Variants in VAV3 observed in about 807,000 individuals in gnomAD.
VAV3 encodes the protein guanine nucleotide exchange factor VAV3.
In VAV3, 94 loss-of-function variants were observed where a neutral mutation model predicts 131.2. That is an observed-to-expected ratio of 0.72 (90% CI 0.61 to 0.85). The LOEUF is 0.85. Ranked by LOEUF, VAV3 falls within the 40% of genes least tolerant of loss-of-function variation. The pLI, the probability that VAV3 is intolerant of heterozygous loss-of-function variation, is 0.00. For synonymous variants in VAV3, 349 were observed against 342.0 expected, an observed-to-expected ratio of 1.02 and a Z score of -0.22; for missense variants, 939 against 1,002.7, an observed-to-expected ratio of 0.94 and a Z score of 0.86.
chr1:107,835,658 C>A (rs1571018963), intron 2 of VAV3, among the ~76,000 whole-genome samples: 5 of 152,266 alleles, frequency 3.3e-5, no homozygotes, highest in Admixed American at 3.3e-4. Flanking sequence ...ACAGTAGCCA[C>A]CAGAAGGAGA....
intron 25 of VAV3, among the ~76,000 whole-genome samples, chr1:107,589,590 C>T (rs917331761): frequency 6.6e-6 from 1 of 152,070 alleles, no homozygotes; most frequent in Non-Finnish European, 1.5e-5. Flanking sequence ...CCACTTGGTT[C>T]GTGATAATTT....
At chr1:107,818,239 A>C (rs915403608) in intron 2 of VAV3, among the ~76,000 whole-genome samples, 1 of 152,220 alleles carries the variant, frequency 6.6e-6, no homozygotes, top group African/African-American at 2.4e-5. Flanking sequence ...AGGAAAGACT[A>C]TCTGCCTCCT....
At chr1:107,749,930 C>T (rs537780144) in intron 13 of VAV3, among the ~76,000 whole-genome samples, 1 of 152,194 alleles carries the variant, frequency 6.6e-6, no homozygotes, top group South Asian at 2.1e-4. Flanking sequence ...AATTTAAAAG[C>T]TAAAAACCTA....
At chr1:107,860,346 G>A (rs1465015190) in intron 2 of VAV3, among the ~76,000 whole-genome samples, 4 of 151,728 alleles carry the variant, frequency 2.6e-5, no homozygotes, top group Non-Finnish European at 5.9e-5. Context: ...ATATATGAGC[G>A]GTGATTGTAG....
intron 1 of VAV3, among the ~76,000 whole-genome samples, chr1:107,935,046 C>T (rs1412217068): frequency 6.6e-6 from 1 of 152,168 alleles, no homozygotes; most frequent in Non-Finnish European, 1.5e-5. Flanking sequence ...ATTACGCGAA[C>T]TGATGGGGCA....
At chr1:107,929,503 G>A (rs1453255287) in intron 1 of VAV3, among the ~76,000 whole-genome samples, 4 of 151,860 alleles carry the variant, frequency 2.6e-5, no homozygotes, top group African/African-American at 4.8e-5. Context: ...AAAACTCACT[G>A]GTAATAGTAA....
intron 25 of VAV3, among the ~76,000 whole-genome samples, chr1:107,577,124 T>C (rs984362155): frequency 6.6e-6 from 1 of 152,248 alleles, no homozygotes; most frequent in Non-Finnish European, 1.5e-5. Flanking sequence ...GCTAATCACA[T>C]TTATCAAATG....
At chr1:107,679,417 A>G (rs1277686640) in intron 19 of VAV3, among the ~76,000 whole-genome samples, 2 of 152,126 alleles carry the variant, frequency 1.3e-5, no homozygotes, top group African/African-American at 2.4e-5. Flanking sequence ...AGTGTAAGCT[A>G]TTTAAACATT....
At chr1:107,758,519 A>C (rs1396076223) in intron 10 of VAV3, among the ~76,000 whole-genome samples, 1 of 152,108 alleles carries the variant, frequency 6.6e-6, no homozygotes, top group East Asian at 1.9e-4. Flanking sequence ...CCATGACTAC[A>C]CCATTGCACT....
At chr1:107,851,428 T>G (rs1360572685) in intron 2 of VAV3, among the ~76,000 whole-genome samples, 1 of 151,888 alleles carries the variant, frequency 6.6e-6, no homozygotes, top group Non-Finnish European at 1.5e-5. Context: ...AATTTTTGTT[T>G]CAATAGTGAA....
intron 15 of VAV3, among the ~76,000 whole-genome samples, chr1:107,741,169 A>G (rs1440044807): frequency 6.6e-6 from 1 of 152,242 alleles, no homozygotes; most frequent in Non-Finnish European, 1.5e-5. Flanking sequence ...AAAAATATTA[A>G]CAAAGTGAAT....
chr1:107,643,431 A>T (rs1222898801), intron 19 of VAV3, among the ~76,000 whole-genome samples: 1 of 152,130 alleles, frequency 6.6e-6, no homozygotes, highest in Non-Finnish European at 1.5e-5. Flanking sequence ...TCAGTTCACG[A>T]TTTCATTTTT....
chr1:107,796,664 C>T (rs1553210338), intron 2 of VAV3, among the ~76,000 whole-genome samples: 3 of 151,814 alleles, frequency 2.0e-5, no homozygotes, highest in Non-Finnish European at 4.4e-5. Flanking sequence ...TGTAAGAGTA[C>T]TTATTATGCT....
intron 5 of VAV3, among the ~76,000 whole-genome samples, 186 bp downstream of exon 5, chr1:107,772,549 T>C (rs780094549): frequency 1.3e-5 from 2 of 152,174 alleles, no homozygotes; most frequent in Non-Finnish European, 2.9e-5. Context: ...AAAGATTCCC[T>C]ATGGTTGTTT....
chr1:107,902,638 T>C (rs1404256723), intron 1 of VAV3, among the ~76,000 whole-genome samples: 2 of 152,168 alleles, frequency 1.3e-5, no homozygotes, highest in African/African-American at 4.8e-5. Flanking sequence ...TAACCTGAGG[T>C]CCTACATGTT....
At chr1:107,877,335 A>G (rs1163798756) in intron 1 of VAV3, among the ~76,000 whole-genome samples, 1 of 152,160 alleles carries the variant, frequency 6.6e-6, no homozygotes, top group Non-Finnish European at 1.5e-5. Context: ...TATCGTTTAC[A>G]TAATTAAGTG....
At chr1:107,742,272 TAC>T (rs1035461010) in intron 15 of VAV3, among the ~76,000 whole-genome samples, 1 of 152,118 alleles carries the variant, frequency 6.6e-6, no homozygotes, top group Non-Finnish European at 1.5e-5. Context: ...TCAGAAAACT[TAC>T]AGAGTAAAAT....
intron 20 of VAV3, among the ~76,000 whole-genome samples, chr1:107,632,046 TCAC>T: frequency 6.6e-6 from 1 of 152,166 alleles, no homozygotes; most frequent in Non-Finnish European, 1.5e-5. Flanking sequence ...CCCTGAGGAA[TCAC>T]CACACTGACT....
intron 2 of VAV3, among the ~76,000 whole-genome samples, chr1:107,842,105 A>G (rs1256398749): frequency 2.0e-5 from 3 of 152,318 alleles, no homozygotes; most frequent in Non-Finnish European, 4.4e-5. Flanking sequence ...TAAGAATATT[A>G]AAGAGAATAC....
Sources: allele counts gnomAD v4.1 joint callset (sites outside exome capture counted in the v4.1 genomes callset), GRCh38; gene constraint gnomAD v4.1.1; transcripts MANE v1.5; gene names NCBI Gene and HGNC (gene_info 2026-07-23, HGNC 2026-07-21).